Variants in PLXDC2 observed in about 807,000 individuals in gnomAD.
The protein encoded by PLXDC2 is plexin domain containing 2, also known as plexin domain-containing protein 2.
A neutral mutation model predicts 68.9 loss-of-function variants in PLXDC2; 40 were observed. That is an observed-to-expected ratio of 0.58 (90% CI 0.45 to 0.76). The LOEUF (loss-of-function observed/expected upper bound fraction) is 0.76, where lower values mean the gene tolerates loss of function less well. Among genes scored for constraint, PLXDC2 ranks in the 30% least tolerant of loss-of-function variants. The probability of loss-of-function intolerance (pLI) is 0.00; values close to 1 mark genes in which losing one functional copy is unlikely to be tolerated. For missense variants in PLXDC2, 644 were observed against 661.9 expected (o/e 0.97, Z 0.30); for synonymous variants, 243 against 234.2 (o/e 1.04, Z -0.34).
At chr10:19,962,989 C>CAAA (rs56922353) in intron 1 of PLXDC2, among the ~76,000 whole-genome samples, 18 of 88,198 alleles carry the variant, frequency 2.0e-4, no homozygotes, top group African/African-American at 4.6e-4. Context: ...GACTACGTCT[C>CAAA]AAAAAAAAAA....
intron 1 of PLXDC2, among the ~76,000 whole-genome samples, chr10:19,873,532 T>C (rs1380454521): frequency 6.7e-6 from 1 of 150,178 alleles, no homozygotes; most frequent in African/African-American, 2.4e-5. Flanking sequence ...CCATTCTCTC[T>C]CCTCTACCTT....
At chr10:19,927,254 A>G (rs1355186798) in intron 1 of PLXDC2, among the ~76,000 whole-genome samples, 3 of 152,200 alleles carry the variant, frequency 2.0e-5, no homozygotes, top group Non-Finnish European at 2.9e-5. Context: ...AGGGTAGGTT[A>G]TGAGTCACGG....
rs1369360871 is a variant in PLXDC2 at position 20,288,813 on chromosome 10, T to G, written c.*8994T>G. The G allele has an allele frequency of 6.6e-5, 10 of 152,142 alleles. No individual in the cohort carries two copies. Among genetic ancestry groups the G allele is most frequent in the Admixed American group, 6.5e-4 (10 of 15,276 alleles). 9.4% of individuals were successfully genotyped at this position (152,142 alleles called of 1,614,324 possible). A position where few individuals can be genotyped will look rare whatever the true frequency, so the allele number is the denominator to read the frequency against. ...AGTAATAGTTTGATAAGAAATTTAGTGTATTGACTGCCTCAGTGACACAAT... is the reference window on the plus strand; with the variant it reads ...AGTAATAGTTTGATAAGAAATTTAGGGTATTGACTGCCTCAGTGACACAAT... On this transcript the variant is annotated 3_prime_UTR_variant, in exon 14 of 14. Transcript: ENST00000377252.
chr10:19,891,914 T>G (rs1170756664), intron 1 of PLXDC2, among the ~76,000 whole-genome samples: 1 of 152,188 alleles, frequency 6.6e-6, no homozygotes, highest in Non-Finnish European at 1.5e-5. Context: ...GGATCCTTAC[T>G]GAAACAAAGA....
intron 1 of PLXDC2, among the ~76,000 whole-genome samples, chr10:19,973,368 A>T (rs1362146754): frequency 6.7e-6 from 1 of 149,870 alleles, no homozygotes; most frequent in African/African-American, 2.4e-5. Context: ...ATATATGTAT[A>T]CATATATATG....
chr10:19,859,066 G>T (rs555887386), intron 1 of PLXDC2, among the ~76,000 whole-genome samples: 1 of 151,798 alleles, frequency 6.6e-6, no homozygotes, highest in African/African-American at 2.4e-5. Flanking sequence ...GAGAGGAGGA[G>T]GTGCCAGGCT....
intron 1 of PLXDC2, among the ~76,000 whole-genome samples, chr10:19,827,421 A>T (rs1004384879): frequency 2.6e-5 from 4 of 152,140 alleles, no homozygotes; most frequent in Admixed American, 6.5e-5. Context: ...TGGGCTTTTG[A>T]TTGCAATCTT....
intron 1 of PLXDC2, among the ~76,000 whole-genome samples, chr10:19,993,009 G>C (rs1346106559): frequency 2.6e-5 from 4 of 152,130 alleles, no homozygotes; most frequent in African/African-American, 9.7e-5. Flanking sequence ...GGCTCTGGCT[G>C]CCTCCCCGAA....
intron 13 of PLXDC2, among the ~76,000 whole-genome samples, chr10:20,251,409 C>T (rs184903590): frequency 5.1e-4 from 77 of 151,982 alleles, no homozygotes; most frequent in African/African-American, 1.7e-3. Flanking sequence ...GCATGAATTC[C>T]TTAATTTTTA....
At chr10:20,001,154 A>G (rs896424182) in intron 1 of PLXDC2, among the ~76,000 whole-genome samples, 1 of 152,190 alleles carries the variant, frequency 6.6e-6, no homozygotes, top group Non-Finnish European at 1.5e-5. Context: ...AACGGCACAG[A>G]TGAACAAAAG....
intron 2 of PLXDC2, among the ~76,000 whole-genome samples, chr10:20,018,367 T>A (rs1205036301): frequency 6.6e-6 from 1 of 152,250 alleles, no homozygotes; most frequent in African/African-American, 2.4e-5. Context: ...TTCTCTACTA[T>A]TCTCCTATAC....
Position 20,217,596 on chromosome 10 carries a change from CTTTTT to C in PLXDC2, c.1273+44_1273+48del, listed in dbSNP as rs66483508. The C allele has an allele frequency of 0.025, 19,121 of 778,242 alleles. 3 individuals are homozygous for C. The highest frequency in any genetic ancestry group is 0.033 in the South Asian group (1,033 of 31,182). The allele number at this position is 778,242 out of a possible 1,614,324, so 48.2% of individuals were successfully genotyped here. Reference sequence around the variant, plus strand: ...CAGAAGGTACCCAAGAGATAGTTTGCTTTTTTTTTTTTTTTTTTTTTTTTTTTTCC... The same window carrying C: ...CAGAAGGTACCCAAGAGATAGTTTGCTTTTTTTTTTTTTTTTTTTTTTTCC... On this transcript the variant is annotated intron_variant, in intron 11 of 13. Coordinates refer to ENST00000377252, the MANE Select transcript of PLXDC2 (RefSeq NM_032812.9).
chr10:19,999,299 G>A (rs373919128), intron 1 of PLXDC2, among the ~76,000 whole-genome samples: 1 of 151,728 alleles, frequency 6.6e-6, no homozygotes, highest in African/African-American at 2.4e-5. Context: ...GGAGGAATAA[G>A]TAACACTTAT....
At chr10:20,169,799 A>G (rs529209847) in intron 7 of PLXDC2, among the ~76,000 whole-genome samples, 17 of 152,206 alleles carry the variant, frequency 1.1e-4, no homozygotes, top group Non-Finnish European at 2.4e-4. Context: ...AGGGCCTTGC[A>G]CTAGAAACCA....
At chr10:20,276,821 G>T (rs965277670) in intron 13 of PLXDC2, among the ~76,000 whole-genome samples, 1 of 152,134 alleles carries the variant, frequency 6.6e-6, no homozygotes, top group East Asian at 1.9e-4. Context: ...GACAGGGCTG[G>T]ACATGAGGAT....
intron 1 of PLXDC2, among the ~76,000 whole-genome samples, chr10:19,992,542 A>T (rs888814662): frequency 1.3e-5 from 2 of 152,190 alleles, no homozygotes; most frequent in Non-Finnish European, 2.9e-5. Context: ...ATTATAAGAT[A>T]AGAGATTATC....
intron 7 of PLXDC2, among the ~76,000 whole-genome samples, chr10:20,166,393 T>G (rs1834374860): frequency 6.6e-6 from 1 of 152,096 alleles, no homozygotes; most frequent in East Asian, 1.9e-4. Context: ...TTCCAGAAAC[T>G]AAATTGTACT....
intron 6 of PLXDC2, among the ~76,000 whole-genome samples, chr10:20,163,367 G>A (rs1834332037): frequency 6.6e-6 from 1 of 151,928 alleles, no homozygotes; most frequent in Admixed American, 6.6e-5. Context: ...ATGATGTCGT[G>A]GTCAAAAATA....
intron 1 of PLXDC2, among the ~76,000 whole-genome samples, chr10:19,953,258 G>A (rs896952454): frequency 3.9e-5 from 6 of 152,164 alleles, no homozygotes; most frequent in Non-Finnish European, 5.9e-5. Flanking sequence ...TGGGGAGATC[G>A]CAGTGAGAAC....
Sources: gnomAD v4.1 joint callset for allele counts (sites outside exome capture counted in the v4.1 genomes callset) on GRCh38, gnomAD v4.1.1 for gene constraint, MANE v1.5 for transcripts, NCBI Gene and HGNC (gene_info 2026-07-23, HGNC 2026-07-21) for gene names.